BNC2: variants seen among roughly 807,000 people sequenced by gnomAD.
BNC2 encodes basonuclin zinc finger protein 2.
A neutral mutation model predicts 76.3 loss-of-function variants in BNC2; 20 were observed. That is an observed-to-expected ratio of 0.26 (90% CI 0.18 to 0.38). The LOEUF is 0.38. Ranked by LOEUF, BNC2 falls within the 10% of genes least tolerant of loss-of-function variation. The pLI is 1.00. For missense variants in BNC2, 1,382 were observed against 1,399.8 expected, an observed-to-expected ratio of 0.99 and a Z score of 0.20; for synonymous variants, 582 against 514.8, an observed-to-expected ratio of 1.13 and a Z score of -1.77.
At chr9:16,773,848 C>A (rs921603471) in intron 1 of BNC2, among the ~76,000 whole-genome samples, 1 of 152,176 alleles carries the variant, frequency 6.6e-6, no homozygotes, top group Non-Finnish European at 1.5e-5. Context: ...TACGTCCTTT[C>A]TATTTGAATA....
At position 16,727,962 on chromosome 9, in the gene BNC2, C is replaced by A; in HGVS notation, c.165G>T (p.Glu55Asp). 6.8e-6 allele frequency: 11 copies of A among 1,614,034 alleles called. No homozygotes were observed. Among genetic ancestry groups the A allele is most frequent in the Non-Finnish European group, 8.5e-6 (10 of 1,180,032 alleles). Residue 55 changes from glutamate to aspartate, a missense_variant, in exon 3 of 7, where the codon GAG becomes GAT. By Grantham distance (45) the Glu-to-Asp change is conservative. Around this residue, in one of 3 missense-constraint regions of BNC2, gnomAD observed 557 missense variants for 540.9 expected, o/e 1.03. Coordinates refer to ENST00000380672, the MANE Select transcript of BNC2 (RefSeq NM_017637.6). ...TCTTTGGCTCTCTGTCTCTCTGTGT[C>A]TCTCTTTCTCTCACATCCACTTCTG... Reference protein sequence around the residue: ...EEAEVDVRERETQRDREPKRA... With the variant: ...EEAEVDVRERDTQRDREPKRA...
At chr9:16,443,476 A>G (rs1821170898) in intron 5 of BNC2, among the ~76,000 whole-genome samples, 3 of 152,164 alleles carry the variant, frequency 2.0e-5, no homozygotes, top group South Asian at 4.1e-4. Context: ...TAGAGAAATT[A>G]CCAAATTTCA....
intron 5 of BNC2, among the ~76,000 whole-genome samples, chr9:16,509,476 T>C (rs540760940): frequency 3.4e-4 from 52 of 152,308 alleles, no homozygotes; most frequent in African/African-American, 1.2e-3. Context: ...GTATCAGACA[T>C]ACTGGGAATC....
At chr9:16,768,968 A>C (rs1016222610) in intron 1 of BNC2, among the ~76,000 whole-genome samples, 9 of 152,148 alleles carry the variant, frequency 5.9e-5, no homozygotes, top group African/African-American at 2.2e-4. Context: ...GGGGAAGAAG[A>C]AGCTGAGAAG....
intron 3 of BNC2, among the ~76,000 whole-genome samples, chr9:16,717,753 G>GAAAAGAGTATCTC (rs1824032285): frequency 6.6e-6 from 1 of 152,116 alleles, no homozygotes; most frequent in Non-Finnish European, 1.5e-5. Context: ...CCTACTTTGA[G>GAAAAGAGTATCTC]AAAAGAGTAT....
chr9:16,573,236 AAC>A (rs200005174), intron 4 of BNC2, among the ~76,000 whole-genome samples: 14,869 of 134,480 alleles, frequency 0.11, 1,097 homozygotes, highest in African/African-American at 0.29. Flanking sequence ...AAAAAAAAAA[AAC>A]AGAAAAAGAA....
intron 2 of BNC2, among the ~76,000 whole-genome samples, chr9:16,731,934 T>C (rs1366848981): frequency 2.6e-5 from 4 of 152,124 alleles, no homozygotes; most frequent in African/African-American, 9.7e-5. Flanking sequence ...ACTGTGCATG[T>C]ACCCTCAATG....
At chr9:16,525,673 G>A (rs538019932) in intron 5 of BNC2, among the ~76,000 whole-genome samples, 8 of 152,140 alleles carry the variant, frequency 5.3e-5, no homozygotes, top group African/African-American at 1.9e-4. Flanking sequence ...TGTTAAAAAA[G>A]AATGAGGTAG....
intron 2 of BNC2, among the ~76,000 whole-genome samples, chr9:16,729,281 CT>C (rs1323239007): frequency 6.6e-6 from 1 of 152,198 alleles, no homozygotes. Context: ...AAAAGCCATC[CT>C]TCCTAAACTT....
intron 5 of BNC2, among the ~76,000 whole-genome samples, chr9:16,470,565 C>G (rs1821800954): frequency 1.3e-5 from 2 of 152,202 alleles, no homozygotes; most frequent in African/African-American, 2.4e-5. Flanking sequence ...CCCAGGGTCC[C>G]CATGCTGTGT....
At chr9:16,859,227 A>G (rs950341908) in intron 1 of BNC2, among the ~76,000 whole-genome samples, 1 of 152,112 alleles carries the variant, frequency 6.6e-6, no homozygotes, top group African/African-American at 2.4e-5. Flanking sequence ...TTGTAGAGAA[A>G]TTGGAACCCT....
At chr9:16,792,104 C>A (rs1303080750) in intron 1 of BNC2, among the ~76,000 whole-genome samples, 311 of 126,900 alleles carry the variant, frequency 2.5e-3, no homozygotes, top group Non-Finnish European at 2.5e-3. Flanking sequence ...CTTGACCCTC[C>A]AAAAAAAAAA....
intron 5 of BNC2, among the ~76,000 whole-genome samples, chr9:16,511,591 C>G (rs1197438045): frequency 1.3e-5 from 2 of 151,708 alleles, no homozygotes; most frequent in Admixed American, 6.6e-5. Context: ...CCATGCCTGG[C>G]TAATTTTTGT....
chr9:16,571,914 CT>C (rs911826910), intron 4 of BNC2, among the ~76,000 whole-genome samples: 18 of 151,014 alleles, frequency 1.2e-4, no homozygotes, highest in African/African-American at 2.7e-4. Context: ...AAAAAAATGA[CT>C]TTTTTTTTAA....
At chr9:16,533,490 C>G (rs570064136) in intron 5 of BNC2, among the ~76,000 whole-genome samples, 2 of 152,076 alleles carry the variant, frequency 1.3e-5, no homozygotes, top group South Asian at 4.2e-4. Context: ...AATAAGACAG[C>G]TTATAGATAT....
intron 1 of BNC2, among the ~76,000 whole-genome samples, chr9:16,855,684 C>T (rs1281720601): frequency 6.6e-6 from 1 of 151,900 alleles, no homozygotes; most frequent in East Asian, 1.9e-4. Context: ...ACTACAGGCG[C>T]CCGCGACCAC....
chr9:16,542,843 C>A (rs931661893), intron 5 of BNC2, among the ~76,000 whole-genome samples: 2 of 152,120 alleles, frequency 1.3e-5, no homozygotes, highest in African/African-American at 4.8e-5. Flanking sequence ...TTCCAGAAAC[C>A]CACACAGATC....
chr9:16,626,963 G>A (rs148616213), intron 3 of BNC2, among the ~76,000 whole-genome samples: 8 of 152,286 alleles, frequency 5.3e-5, no homozygotes, highest in Middle Eastern at 3.4e-3. Context: ...GCATGTCTCC[G>A]TGTCGGTAAC....
chr9:16,857,658 G>A (rs568812194), intron 1 of BNC2, among the ~76,000 whole-genome samples: 14 of 152,146 alleles, frequency 9.2e-5, no homozygotes, highest in African/African-American at 3.1e-4. Flanking sequence ...CACTCGCTTT[G>A]TATAAATTTG....
Sources: gnomAD v4.1 joint callset for allele counts (sites outside exome capture counted in the v4.1 genomes callset) on GRCh38, gnomAD v4.1.1 for gene constraint, gnomAD v4.1.1 regional missense constraint, MANE v1.5 for transcripts, NCBI Gene and HGNC (gene_info 2026-07-23, HGNC 2026-07-21) for gene names.